Variants in ZMYM2 observed in about 807,000 individuals in gnomAD.
The protein encoded by ZMYM2 is zinc finger MYM-type protein 2.
Under a neutral mutation model 162.8 loss-of-function variants are expected in ZMYM2, and 56 were observed. That is an observed-to-expected ratio of 0.34 (90% CI 0.28 to 0.43). ZMYM2 has a LOEUF of 0.43. Among genes scored for constraint, ZMYM2 ranks in the 20% least tolerant of loss-of-function variants. ZMYM2 has a pLI of 1.00. For synonymous variants in ZMYM2, 510 were observed against 541.6 expected (o/e 0.94, Z 0.81); for missense variants, 1,275 against 1,621.8 (o/e 0.79, Z 3.67).
chr13:19,999,049 A>T (rs1200649719), intron 3 of ZMYM2, among the ~76,000 whole-genome samples: 1 of 152,188 alleles, frequency 6.6e-6, no homozygotes, highest in African/African-American at 2.4e-5. Context: ...TAGTGCAGCA[A>T]ACTGGAGACT....
At chr13:19,913,045 C>G in the ZMYM2 span, among the ~76,000 whole-genome samples, 1 of 152,140 alleles carries the variant, frequency 6.6e-6, no homozygotes, top group Non-Finnish European at 1.5e-5. Context: ...AGAGACGGGT[C>G]TGTAACAGGT....
the ZMYM2 span, among the ~76,000 whole-genome samples, chr13:19,885,043 A>G: frequency 1.5e-4 from 23 of 152,286 alleles, 1 homozygote; most frequent in East Asian, 7.7e-4. Flanking sequence ...TTAGCTAGAC[A>G]CAGAGTGCTG....
chr13:20,046,637 A>G (rs144025481), intron 12 of ZMYM2, among the ~76,000 whole-genome samples: 3,886 of 145,224 alleles, frequency 0.027, 117 homozygotes, highest in East Asian at 0.13. Flanking sequence ...ATGTGTATAT[A>G]TATGTGTACA....
At chr13:19,996,862 A>T (rs1002680449) in intron 3 of ZMYM2, among the ~76,000 whole-genome samples, 2 of 152,228 alleles carry the variant, frequency 1.3e-5, no homozygotes, top group Admixed American at 6.5e-5. Context: ...ACTCTAGCCC[A>T]GGCAGCAGAG....
chr13:20,076,224 A>G (rs945974156), intron 21 of ZMYM2, among the ~76,000 whole-genome samples: 19 of 150,304 alleles, frequency 1.3e-4, no homozygotes, highest in Admixed American at 6.6e-4. Flanking sequence ...GTGCTATATC[A>G]CAATTAATTT....
At chr13:19,883,299 G>C in the ZMYM2 span, among the ~76,000 whole-genome samples, 2 of 152,156 alleles carry the variant, frequency 1.3e-5, no homozygotes, top group African/African-American at 4.8e-5. Flanking sequence ...TTGGGATGAT[G>C]AAAATGTTTT....
Position 20,005,184 on chromosome 13 carries a change from C to G in ZMYM2, c.1244C>G (p.Pro415Arg). ...TCTCTCTATGAAGACAAACAGAATC[C>G]TACTAAAGGAGCTCTAAATAAATCA... ...CLSLYEDKQN[P>R]TKGALNKSRC... is the part of the protein sequence containing the mutation. Residue 415 changes from proline (P) to arginine (R), a missense_variant, in exon 5 of 25, where the codon CCT becomes CGT. Pro to Arg is a moderately radical substitution (Grantham distance 103, BLOSUM62 -2). Transcript: ENST00000610343. 1 of 1,589,136 alleles carries G rather than the reference C, an allele frequency of 6.3e-7. No homozygotes were observed. Among genetic ancestry groups the G allele is most frequent in the Non-Finnish European group, 8.5e-7 (1 of 1,172,406 alleles).
chr13:19,902,068 C>T, the ZMYM2 span, among the ~76,000 whole-genome samples: 1 of 152,220 alleles, frequency 6.6e-6, no homozygotes, highest in Middle Eastern at 3.4e-3. Flanking sequence ...GGGATTACAG[C>T]CATGAGTCCT....
At chr13:19,959,504 G>C (rs935228481) in intron 1 of ZMYM2, among the ~76,000 whole-genome samples, 1 of 152,168 alleles carries the variant, frequency 6.6e-6, no homozygotes, top group Admixed American at 6.5e-5. Context: ...GCAGGGGGGG[G>C]CAAACCTCAG....
At chr13:20,031,695 T>G (rs1953154982) in intron 10 of ZMYM2, among the ~76,000 whole-genome samples, 1 of 152,112 alleles carries the variant, frequency 6.6e-6, no homozygotes. Flanking sequence ...AGAATGTCAC[T>G]TTGTTTAGCT....
At chr13:19,887,892 T>C in the ZMYM2 span, among the ~76,000 whole-genome samples, 1 of 151,748 alleles carries the variant, frequency 6.6e-6, no homozygotes, top group African/African-American at 2.4e-5. Flanking sequence ...AATTTTTTTT[T>C]TTTTTTGAGA....
In ZMYM2 at chr13:19,993,475, T is replaced by C. The variant is rs1424362988; in HGVS notation, c.403T>C (p.Ser135Pro). 2 of 1,613,814 alleles carry C rather than the reference T, an allele frequency of 1.2e-6. No individual in the cohort carries two copies. The highest frequency in any genetic ancestry group is 1.7e-6 in the Non-Finnish European group (2 of 1,179,974). The stretch of plus-strand genomic sequence containing the variant: ...AACAAATCAAGGGCAAGAGAAAAAT[T>C]CCTCCAATTTTATTGAACGAAGACC... ...METNQGQEKN[S>P]SNFIERRPPE... Residue 135 changes from serine to proline, a missense_variant, in exon 3 of 25, where the codon TCC becomes CCC. Around this residue, in one of 10 missense-constraint regions of ZMYM2, gnomAD observed 295 missense variants for 286.7 expected, o/e 1.03. Coordinates refer to ENST00000610343, the MANE Select transcript of ZMYM2 (RefSeq NM_197968.4).
intron 2 of ZMYM2, among the ~76,000 whole-genome samples, chr13:19,971,840 GAGGT>G (rs1000478915): frequency 2.6e-5 from 4 of 152,080 alleles, no homozygotes; most frequent in African/African-American, 9.7e-5. Flanking sequence ...AAAACTGGAA[GAGGT>G]ACAGATAAAA....
At chr13:19,945,361 C>A in the ZMYM2 span, among the ~76,000 whole-genome samples, 3 of 152,046 alleles carry the variant, frequency 2.0e-5, no homozygotes, top group Non-Finnish European at 4.4e-5. Context: ...AAGCAATTAT[C>A]GTGCCTTAGC....
chr13:19,877,959 T>C, the ZMYM2 span, among the ~76,000 whole-genome samples: 2 of 152,200 alleles, frequency 1.3e-5, no homozygotes, highest in Non-Finnish European at 2.9e-5. Context: ...TTTTTGGCTG[T>C]TTTCCACAGC....
chr13:19,909,909 A>G, the ZMYM2 span, among the ~76,000 whole-genome samples: 1 of 152,214 alleles, frequency 6.6e-6, no homozygotes, highest in South Asian at 2.1e-4. Flanking sequence ...AGAGTGGAAG[A>G]AAACATAAAG....
intron 2 of ZMYM2, among the ~76,000 whole-genome samples, chr13:19,966,457 CT>C (rs71070277): frequency 1.4e-3 from 204 of 141,148 alleles, no homozygotes; most frequent in Non-Finnish European, 1.5e-3. Context: ...GTCTATAATT[CT>C]TTTTTTTTTT....
chr13:19,944,902 T>A, the ZMYM2 span, among the ~76,000 whole-genome samples: 2 of 152,066 alleles, frequency 1.3e-5, no homozygotes, highest in Non-Finnish European at 1.5e-5. Flanking sequence ...AACTCCTGAC[T>A]TCAGGTGATC....
chr13:20,068,639 G>C (rs1956857219), intron 21 of ZMYM2, among the ~76,000 whole-genome samples: 1 of 152,238 alleles, frequency 6.6e-6, no homozygotes, highest in East Asian at 1.9e-4. Flanking sequence ...ATACCTAGGA[G>C]GGAGGGGGAG....
Sources: allele counts gnomAD v4.1 joint callset (sites outside exome capture counted in the v4.1 genomes callset), GRCh38; gene constraint gnomAD v4.1.1; regional missense constraint gnomAD v4.1.1; transcripts MANE v1.5; gene names NCBI Gene and HGNC (gene_info 2026-07-23, HGNC 2026-07-21).